Variants in EXD3 observed in about 807,000 individuals in gnomAD.
The protein encoded by EXD3 is exonuclease 3'-5' domain containing 3.
Under a neutral mutation model 98.0 loss-of-function variants are expected in EXD3, and 92 were observed. The observed-to-expected ratio is 0.94, with a 90% CI of 0.79 to 1.12. The LOEUF is 1.12. EXD3 is among the 50% of genes most tolerant of loss of function. The pLI is 0.00. For synonymous variants in EXD3, 569 were observed against 526.0 expected, an observed-to-expected ratio of 1.08 and a Z score of -1.12; for missense variants, 1,222 against 1,191.6, an observed-to-expected ratio of 1.03 and a Z score of -0.38.
In EXD3 at chr9:137,351,073, G is replaced by C; in HGVS notation, c.1459C>G (p.Leu487Val). Residue 487 changes from leucine (L) to valine (V), a missense_variant, in exon 14 of 22, where the codon CTG (leucine) becomes GTG (valine). Coordinates refer to ENST00000340951, the MANE Select transcript of EXD3 (RefSeq NM_017820.5). Reference sequence around the variant, plus strand: ...ACCAGCAGCAGGTCCATGCCGCCCAGAATCTGCTTCTCCACATGGGCCAGG... The same window carrying C: ...ACCAGCAGCAGGTCCATGCCGCCCACAATCTGCTTCTCCACATGGGCCAGG... ...PALAHVEKQI[L>V]GGMDLLLVHR... 9 of 1,577,462 alleles carry C rather than the reference G, an allele frequency of 5.7e-6. No individual in the cohort carries two copies. Among genetic ancestry groups the C allele is most frequent in the South Asian group, 4.7e-5 (4 of 85,960 alleles).
At chr9:137,313,937 T>C (rs1439726980) in intron 19 of EXD3, among the ~76,000 whole-genome samples, 1 of 152,188 alleles carries the variant, frequency 6.6e-6, no homozygotes, top group Non-Finnish European at 1.5e-5. Flanking sequence ...GCTAGGACTG[T>C]GTGCGGAGAT....
At chr9:137,338,383 A>C (rs1833472790) in intron 17 of EXD3, among the ~76,000 whole-genome samples, 1 of 152,218 alleles carries the variant, frequency 6.6e-6, no homozygotes. Flanking sequence ...AGCGCAGTGA[A>C]AACAATACTT....
chr9:137,346,960 C>T (rs7357658), intron 17 of EXD3, among the ~76,000 whole-genome samples: 3,612 of 152,116 alleles, frequency 0.024, 177 homozygotes, highest in African/African-American at 0.081. Flanking sequence ...GGATTACAGG[C>T]GCCCGCCACC....
In EXD3 at chr9:137,371,387, G is replaced by A. The variant is rs576682774; in HGVS notation, c.462+1518C>T. ...TGACAGCGCCAGGGGTGGGGCCCGC[G>A]CGGCCCACACAGGGGACACTCCTGT... is the stretch of plus-strand genomic sequence containing the variant. On this transcript the variant is annotated intron_variant, in intron 5 of 21. Coordinates refer to ENST00000340951, the MANE Select transcript of EXD3 (RefSeq NM_017820.5). The surrounding 1 kb of genome is among the most constrained non-coding windows in gnomAD (Gnocchi z 8.0). Among the ~76,000 whole-genome samples the A allele has an allele frequency of 4.6e-5, 7 of 152,142 alleles. No individual in the cohort carries two copies. In the East Asian group the frequency reaches 7.8e-4, roughly 17 times the overall value.
rs974364205 is a variant in EXD3, at chr9:137,395,835, G to C, written c.-47-431C>G. On this transcript the variant is annotated intron_variant, in intron 1 of 21. Transcript: ENST00000340951. This position sits in a 1 kb window ranked among gnomAD's most constrained non-coding sequence, Gnocchi z 6.5. Reference sequence around the variant, plus strand: ...GAGGGCAAGGGCGCCTGCAGGACCAGGGACCTCGGAGTGACGCCCTCACGG... The same window carrying C: ...GAGGGCAAGGGCGCCTGCAGGACCACGGACCTCGGAGTGACGCCCTCACGG... Among the ~76,000 whole-genome samples the C allele has an allele frequency of 6.6e-6, 1 of 152,200 alleles. No individual in the cohort carries two copies. The highest frequency in any genetic ancestry group is 2.4e-5 in the African/African-American group (1 of 41,458).
intron 17 of EXD3, among the ~76,000 whole-genome samples, chr9:137,346,275 CT>C (rs1216460233): frequency 8.8e-6 from 1 of 113,942 alleles, no homozygotes; most frequent in Non-Finnish European, 1.8e-5. Flanking sequence ...AAATTCACTC[CT>C]TACTGAAGGA....
chr9:137,420,737 A>ACCCCC (rs34647307), intron 1 of EXD3, among the ~76,000 whole-genome samples: 12 of 112,536 alleles, frequency 1.1e-4, no homozygotes, highest in East Asian at 6.0e-4. Context: ...ACAGACATTC[A>ACCCCC]CCCCCCCCCC....
chr9:137,351,418 C>T lies in EXD3; in HGVS notation c.1284G>A (p.Leu428=), dbSNP rs765883082. The T allele has an allele frequency of 2.2e-5, 36 of 1,608,892 alleles. No individual in the cohort carries two copies. The highest frequency in any genetic ancestry group is 2.9e-5 in the Non-Finnish European group (34 of 1,178,634). ...GTGGCTGCGAGAGTGCCAGGACGTC[C>T]AGAAGGAACACGTGGCCCTCCACGG... The part of the protein sequence containing the change: ...QVAVEGHVFL[L]DVLALSQPPT... Residue 428 remains leucine (L), a synonymous_variant, in exon 13 of 22, where the codon CTG becomes CTA. Transcript: ENST00000340951.
rs1838298801 is a variant in EXD3 at position 137,417,618 on chromosome 9, G to C, written c.-48+5496C>G. On this transcript the variant is annotated intron_variant, in intron 1 of 21. Coordinates refer to ENST00000340951, the MANE Select transcript of EXD3 (RefSeq NM_017820.5). ...AACTACCCCAGCCGCGCTGCGCGTGGCGGCCGCAGAGGAGGAACGGCCGAG... is the reference window on the plus strand; with the variant it reads ...AACTACCCCAGCCGCGCTGCGCGTGCCGGCCGCAGAGGAGGAACGGCCGAG... Among the ~76,000 whole-genome samples, 4 of 152,204 alleles carry C rather than the reference G, an allele frequency of 2.6e-5. No homozygotes were observed. The South Asian group carries it at 8.3e-4, about 31-fold the overall frequency.
In EXD3 at chr9:137,386,714, G is replaced by A. The variant is rs555204749; in HGVS notation, c.56-3337C>T. On this transcript the variant is annotated intron_variant, in intron 2 of 21. Coordinates refer to ENST00000340951, the MANE Select transcript of EXD3 (RefSeq NM_017820.5). Reference sequence around the variant, plus strand: ...TACCTGGACCCTGCCCCTTGGGCCTGAGGCTGCTTCTCGAGCACCCAGCAG... The same window carrying A: ...TACCTGGACCCTGCCCCTTGGGCCTAAGGCTGCTTCTCGAGCACCCAGCAG... Among the ~76,000 whole-genome samples, 8 of 152,138 alleles carry A rather than the reference G, an allele frequency of 5.3e-5. No individual in the cohort carries two copies. In the South Asian group the frequency reaches 1.5e-3, roughly 28 times the overall value.
intron 17 of EXD3, chr9:137,343,604 T>TTTTC (rs1833764900): frequency 7.6e-6 from 1 of 130,872 alleles, no homozygotes; most frequent in Non-Finnish European, 1.6e-5. Flanking sequence ...TTTTTTTTTT[T>TTTTC]TTGAGACGGA....
At chr9:137,356,751 C>T (rs1396271984) in intron 7 of EXD3, among the ~76,000 whole-genome samples, 1 of 152,220 alleles carries the variant, frequency 6.6e-6, no homozygotes, top group East Asian at 1.9e-4. Context: ...CAGCCTTCTG[C>T]TGCTGCTTTC....
chr9:137,419,984 C>A (rs192193816), intron 1 of EXD3, among the ~76,000 whole-genome samples: 1 of 151,898 alleles, frequency 6.6e-6, no homozygotes, highest in Non-Finnish European at 1.5e-5. Flanking sequence ...ACGGTGAAAC[C>A]CCATCTCTAC....
chr9:137,345,473 C>T (rs959353987), intron 17 of EXD3, among the ~76,000 whole-genome samples: 1 of 152,040 alleles, frequency 6.6e-6, no homozygotes, highest in East Asian at 1.9e-4. Flanking sequence ...ACCAGCCTGA[C>T]CAACATGGAG....
At chr9:137,307,408 C>T (rs1831102947) in intron 21 of EXD3, 145 bp from the exon 22 acceptor site, 2 of 1,340,898 alleles carry the variant, frequency 1.5e-6, no homozygotes, top group African/African-American at 2.9e-5. Context: ...TCCGCTGACT[C>T]TGCGTCCTCC....
chr9:137,362,546 A>C (rs1253560911), intron 7 of EXD3, among the ~76,000 whole-genome samples: 1 of 150,346 alleles, frequency 6.7e-6, no homozygotes, highest in Non-Finnish European at 1.5e-5. Flanking sequence ...CTGTCCCCGG[A>C]GCGCAGCAGT....
chr9:137,379,140 A>G (rs56375519), intron 3 of EXD3, among the ~76,000 whole-genome samples: 149 of 12,048 alleles, frequency 0.012, 1 homozygote, highest in African/African-American at 0.019. Context: ...TGAGGGGTAC[A>G]GGGTTTGTGG....
At chr9:137,415,871 C>G (rs1213834006) in intron 1 of EXD3, among the ~76,000 whole-genome samples, 1 of 152,194 alleles carries the variant, frequency 6.6e-6, no homozygotes, top group Non-Finnish European at 1.5e-5. Context: ...CATAAAGTCG[C>G]GTTGCCCTAA....
chr9:137,319,704 G>A (rs372090374), intron 19 of EXD3, among the ~76,000 whole-genome samples: 7 of 152,200 alleles, frequency 4.6e-5, no homozygotes, highest in African/African-American at 1.2e-4. Context: ...GCCACCACCC[G>A]GCTGAGGCAC....
Sources: gnomAD v4.1 joint callset for allele counts (sites outside exome capture counted in the v4.1 genomes callset) on GRCh38, gnomAD v4.1.1 for gene constraint, Gnocchi (gnomAD v3.1) non-coding constraint, MANE v1.5 for transcripts, NCBI Gene and HGNC (gene_info 2026-07-23, HGNC 2026-07-21) for gene names.